Variants in CLSTN2 observed in about 807,000 individuals in gnomAD.
The protein encoded by CLSTN2 is calsyntenin-2.
A neutral mutation model predicts 101.2 loss-of-function variants in CLSTN2; 48 were observed. That is an observed-to-expected ratio of 0.47 (90% confidence interval 0.38 to 0.60). The LOEUF is 0.60. Ranked by LOEUF, CLSTN2 falls within the 20% of genes least tolerant of loss-of-function variation. CLSTN2 has a pLI of 0.00. For missense variants in CLSTN2, 1,160 were observed against 1,238.2 expected (o/e 0.94, Z 0.95); for synonymous variants, 481 against 463.6 (o/e 1.04, Z -0.48).
intron 2 of CLSTN2, among the ~76,000 whole-genome samples, chr3:140,256,846 T>G (rs1300498431): frequency 6.6e-6 from 1 of 152,238 alleles, no homozygotes; most frequent in African/African-American, 2.4e-5. Flanking sequence ...TTTTGGTTTT[T>G]GTTTTTTAAA....
At chr3:140,497,976 A>G (rs554710143) in intron 8 of CLSTN2, among the ~76,000 whole-genome samples, 9 of 152,162 alleles carry the variant, frequency 5.9e-5, no homozygotes, top group African/African-American at 1.9e-4. Flanking sequence ...CTGTCGCCCC[A>G]CCCTGCTTTT....
intron 1 of CLSTN2, among the ~76,000 whole-genome samples, chr3:140,007,010 T>C (rs936039364): frequency 6.6e-6 from 1 of 152,124 alleles, no homozygotes; most frequent in Non-Finnish European, 1.5e-5. Flanking sequence ...AATACAAGAT[T>C]AGCGTTACTG....
At chr3:140,354,128 A>G (rs1036308903) in intron 2 of CLSTN2, among the ~76,000 whole-genome samples, 3 of 152,196 alleles carry the variant, frequency 2.0e-5, no homozygotes, top group African/African-American at 7.2e-5. Context: ...AAGGAAAGGG[A>G]TGGAGGATGT....
At position 140,445,197 on chromosome 3, in the gene CLSTN2, G is replaced by C. The variant is rs566015282; in HGVS notation, c.788-3322G>C. On this transcript the variant is annotated intron_variant, in intron 5 of 16. Transcript: ENST00000458420. ...GAGAGGGCCCTGCCCTGCCAGCTAG[G>C]GGGTGAGTGAGAGGATGAAGACCCT... Among the ~76,000 whole-genome samples the C allele has an allele frequency of 6.6e-5, 10 of 152,238 alleles. 1 individual carries two copies. In the South Asian group the frequency reaches 1.5e-3, roughly 22 times the overall value.
intron 5 of CLSTN2, among the ~76,000 whole-genome samples, chr3:140,443,782 C>T (rs533731613): frequency 6.6e-6 from 1 of 152,322 alleles, no homozygotes; most frequent in South Asian, 2.1e-4. Context: ...GTGTTAGGCC[C>T]TTAGCCTGGC....
At chr3:140,116,375 C>A (rs1024801542) in intron 1 of CLSTN2, among the ~76,000 whole-genome samples, 1 of 152,140 alleles carries the variant, frequency 6.6e-6, no homozygotes, top group Non-Finnish European at 1.5e-5. Flanking sequence ...CCGTTGCCTG[C>A]AGGAGGCTCT....
intron 1 of CLSTN2, among the ~76,000 whole-genome samples, chr3:140,132,822 A>G (rs958385854): frequency 3.9e-5 from 6 of 152,228 alleles, no homozygotes; most frequent in Admixed American, 2.0e-4. Flanking sequence ...TCTTGTGAAA[A>G]GAGCAAAATT....
At chr3:139,959,143 G>A (rs538469248) in intron 1 of CLSTN2, among the ~76,000 whole-genome samples, 9 of 152,160 alleles carry the variant, frequency 5.9e-5, no homozygotes, top group African/African-American at 9.6e-5. Flanking sequence ...TCTGGCACAC[G>A]TCTTCTGTCT....
In CLSTN2 at chr3:140,567,381, A is replaced by G. The variant is rs1005879092; in HGVS notation, c.*1128A>G. On this transcript the variant is annotated 3_prime_UTR_variant, in exon 17 of 17. Coordinates refer to ENST00000458420, the MANE Select transcript of CLSTN2 (RefSeq NM_022131.3). The stretch of plus-strand genomic sequence containing the variant: ...GTCTACAATGAAAGTTTGAAATTTA[A>G]CTGCAAGGAATTAGAAGCATATTTG... 3 of 152,260 alleles carry G rather than the reference A, an allele frequency of 2.0e-5. No homozygotes were observed. Among genetic ancestry groups the G allele is most frequent in the African/African-American group, 7.2e-5 (3 of 41,478 alleles). 9.4% of individuals were successfully genotyped at this position (152,260 alleles called of 1,614,324 possible).
At chr3:139,958,749 A>G (rs1041716344) in intron 1 of CLSTN2, among the ~76,000 whole-genome samples, 3 of 151,572 alleles carry the variant, frequency 2.0e-5, no homozygotes, top group Non-Finnish European at 4.4e-5. Flanking sequence ...GCCGTGAAGC[A>G]TTGTACCATC....
intron 1 of CLSTN2, among the ~76,000 whole-genome samples, chr3:140,174,568 C>A (rs1479039907): frequency 2.0e-5 from 3 of 152,114 alleles, no homozygotes; most frequent in Non-Finnish European, 4.4e-5. Context: ...TAAAGACATA[C>A]CCCAGACTGG....
chr3:140,307,494 A>G (rs1347051354), intron 2 of CLSTN2, among the ~76,000 whole-genome samples: 2 of 152,202 alleles, frequency 1.3e-5, no homozygotes, highest in African/African-American at 2.4e-5. Flanking sequence ...TTGATCTAAT[A>G]ACCTCTAAGT....
At chr3:140,369,971 G>T (rs1364545788) in intron 2 of CLSTN2, among the ~76,000 whole-genome samples, 1 of 152,224 alleles carries the variant, frequency 6.6e-6, no homozygotes, top group Non-Finnish European at 1.5e-5. Context: ...GACTAATTAG[G>T]ATTCTTTCCA....
At chr3:140,518,929 A>ACTTGATATCTTTC (rs1386287463) in intron 8 of CLSTN2, among the ~76,000 whole-genome samples, 2 of 152,076 alleles carry the variant, frequency 1.3e-5, no homozygotes, top group Admixed American at 6.6e-5. Flanking sequence ...TGTTAGGTTA[A>ACTTGATATCTTTC]CTTGATATCT....
At chr3:140,319,365 G>T (rs2087259946) in intron 2 of CLSTN2, among the ~76,000 whole-genome samples, 1 of 152,162 alleles carries the variant, frequency 6.6e-6, no homozygotes. Context: ...GCTGCCAGTG[G>T]TACTTGGGTC....
intron 1 of CLSTN2, among the ~76,000 whole-genome samples, chr3:140,111,711 C>A (rs1185214659): frequency 6.6e-6 from 1 of 152,158 alleles, no homozygotes; most frequent in Non-Finnish European, 1.5e-5. Flanking sequence ...TGGCCCGTCT[C>A]TTCAAGCAGT....
intron 1 of CLSTN2, among the ~76,000 whole-genome samples, chr3:140,066,344 CTCTT>C (rs2008299262): frequency 6.6e-6 from 1 of 152,228 alleles, no homozygotes; most frequent in Non-Finnish European, 1.5e-5. Context: ...TTCTTCAAGA[CTCTT>C]TCTCTAATCT....
rs751648063 is a variant in CLSTN2, at chr3:140,404,544, G to T, written c.429-14G>T. 1 of 1,613,152 alleles carries T rather than the reference G, an allele frequency of 6.2e-7. No individual in the cohort carries two copies. Among genetic ancestry groups the T allele is most frequent in the African/African-American group, 1.3e-5 (1 of 74,918 alleles). On this transcript the variant is annotated splice_polypyrimidine_tract_variant and intron_variant, in intron 3 of 16. Coordinates refer to ENST00000458420, the MANE Select transcript of CLSTN2 (RefSeq NM_022131.3). ...TCTTTACCACCATCCCTTCCTTTCT[G>T]TGTGTGGTCCCAGGGCCGTGGTCCA...
chr3:140,257,206 T>C (rs1252438714), intron 2 of CLSTN2, among the ~76,000 whole-genome samples: 2 of 152,206 alleles, frequency 1.3e-5, no homozygotes, highest in Non-Finnish European at 2.9e-5. Context: ...AAATGTATGC[T>C]CCATAAATAG....
Sources: allele counts gnomAD v4.1 joint callset (sites outside exome capture counted in the v4.1 genomes callset), GRCh38; gene constraint gnomAD v4.1.1; transcripts MANE v1.5; gene names NCBI Gene and HGNC (gene_info 2026-07-23, HGNC 2026-07-21).